Variants in SNRPE observed in about 807,000 individuals in gnomAD.
SNRPE encodes small nuclear ribonucleoprotein E.
For missense variants in SNRPE, 53 were observed against 111.6 expected (o/e 0.48, Z 2.36); for synonymous variants, 35 against 36.7 (o/e 0.95, Z 0.17).
intron 3 of SNRPE, among the ~76,000 whole-genome samples, 182 bp downstream of exon 3, chr1:203,863,907 A>G (rs1690031538): frequency 6.6e-6 from 1 of 151,658 alleles, no homozygotes. Context: ...TTTAATAGGG[A>G]AAATAACTTT....
intron 4 of SNRPE, among the ~76,000 whole-genome samples, chr1:203,867,888 GT>G (rs1434086130): frequency 1.3e-5 from 2 of 152,088 alleles, no homozygotes; most frequent in African/African-American, 2.4e-5. Context: ...TGCTCCCTGA[GT>G]TTGTAGTAAA....
At chr1:203,864,972 T>A in intron 3 of SNRPE, 69 bp from the exon 4 acceptor site, 1 of 1,490,878 alleles carries the variant, frequency 6.7e-7, no homozygotes, top group Admixed American at 2.0e-5. Context: ...TTTATCTGCA[T>A]AGGTATACTC....
chr1:203,861,780 G>A (rs1317839561), intron 1 of SNRPE, 67 bp downstream of exon 1: 24 of 1,176,308 alleles, frequency 2.0e-5, no homozygotes, highest in Non-Finnish European at 3.1e-5. Context: ...GGCGCAGGCT[G>A]AGGGCAGGCC....
At chr1:203,867,052 C>T (rs1690101976) in intron 4 of SNRPE, among the ~76,000 whole-genome samples, 2 of 145,354 alleles carry the variant, frequency 1.4e-5, no homozygotes, top group Admixed American at 1.5e-4. Flanking sequence ...GGGTGGATTA[C>T]GAGGTCAGGA....
intron 3 of SNRPE, among the ~76,000 whole-genome samples, chr1:203,864,296 C>G (rs912141730): frequency 6.6e-5 from 10 of 151,472 alleles, no homozygotes; most frequent in African/African-American, 2.4e-4. Context: ...AAATATTGAG[C>G]GACAATGTTA....
intron 3 of SNRPE, 139 bp from the exon 4 acceptor site, chr1:203,864,894 AAAAAAAAC>A: frequency 1.5e-5 from 6 of 398,496 alleles, no homozygotes; most frequent in East Asian, 6.2e-5. Flanking sequence ...AAAAAAAAAA[AAAAAAAAC>A]TTTGGGTGGA....
At chr1:203,862,152 G>C (rs1689991066) in intron 1 of SNRPE, 44 bp from the exon 2 acceptor site, 1 of 1,523,812 alleles carries the variant, frequency 6.6e-7, no homozygotes. Flanking sequence ...AGGAAGCAGA[G>C]TCTATGCTGC....
intron 4 of SNRPE, among the ~76,000 whole-genome samples, chr1:203,866,018 T>G (rs1690079563): frequency 6.6e-6 from 1 of 151,998 alleles, no homozygotes; most frequent in South Asian, 2.1e-4. Flanking sequence ...TATGTAGGCA[T>G]GACTGATTAA....
Position 203,861,620 on chromosome 1 carries a change from C to G in SNRPE, c.-40C>G, listed in dbSNP as rs771643812. On this transcript the variant is annotated 5_prime_UTR_variant, in exon 1 of 5. Transcript: ENST00000414487. ...GGTTCTTTATTCCGGAAGTTGCTCT[C>G]AGAGGCAGCGTGCGGGTGTGCTCTT... is the stretch of plus-strand genomic sequence containing the variant. 1.9e-6 allele frequency: 3 copies of G among 1,565,702 alleles called. No individual in the cohort carries two copies. The highest frequency in any genetic ancestry group is 1.1e-5 in the South Asian group (1 of 90,024).
intron 3 of SNRPE, among the ~76,000 whole-genome samples, chr1:203,864,099 C>T (rs185949829): frequency 3.3e-5 from 5 of 152,046 alleles, no homozygotes; most frequent in East Asian, 1.9e-4. Flanking sequence ...GGATCAGAAG[C>T]GTGCACCATC....
chr1:203,869,775 A>G (rs1690176698), intron 4 of SNRPE, 102 bp from the exon 5 acceptor site: 1 of 744,308 alleles, frequency 1.3e-6, no homozygotes, highest in Non-Finnish European at 2.2e-6. Flanking sequence ...TTTTATAAGA[A>G]AGCATTTTCA....
At chr1:203,863,343 C>T (rs954490136) in intron 2 of SNRPE, among the ~76,000 whole-genome samples, 2 of 152,032 alleles carry the variant, frequency 1.3e-5, no homozygotes, top group Admixed American at 6.5e-5. Flanking sequence ...TTTTTTGAGA[C>T]GGAGTCTCAC....
intron 3 of SNRPE, 123 bp from the exon 4 acceptor site, chr1:203,864,918 G>T: frequency 1.2e-6 from 1 of 859,016 alleles, no homozygotes; most frequent in Non-Finnish European, 1.6e-6. Context: ...GTGGAAGGTG[G>T]GGTGGGGCTT....
rs1008889983 is a variant in SNRPE, at chr1:203,871,140, T to A, written c.*1208T>A. Among the ~76,000 whole-genome samples, 1 of 152,266 alleles carries A rather than the reference T, an allele frequency of 6.6e-6. No individual in the cohort carries two copies. The highest frequency in any genetic ancestry group is 1.5e-5 in the Non-Finnish European group (1 of 68,052). ...TTATGTTTTGAAATAAAGGGCTGCA[T>A]TAGTTCTTTTAACATTTGAGTTTGA... is the stretch of plus-strand genomic sequence containing the variant. On this transcript the variant is annotated 3_prime_UTR_variant, in exon 5 of 5. Coordinates refer to ENST00000414487, the MANE Select transcript of SNRPE (RefSeq NM_003094.4).
chr1:203,863,849 C>A, intron 3 of SNRPE, 124 bp downstream of exon 3: 1 of 654,410 alleles, frequency 1.5e-6, no homozygotes, highest in Non-Finnish European at 2.7e-6. Context: ...TTTTCAGGTG[C>A]TGCTGTTTAG....
intron 2 of SNRPE, among the ~76,000 whole-genome samples, chr1:203,863,285 G>A (rs1016608684): frequency 6.6e-6 from 1 of 152,180 alleles, no homozygotes; most frequent in East Asian, 1.9e-4. Context: ...GCATCCCAAA[G>A]TATGGGAACG....
intron 3 of SNRPE, among the ~76,000 whole-genome samples, chr1:203,864,709 T>G (rs946083424): frequency 2.6e-5 from 4 of 152,030 alleles, no homozygotes; most frequent in Non-Finnish European, 5.9e-5. Flanking sequence ...AAACCCTGTT[T>G]CTACCAAAAA....
chr1:203,867,197 G>A (rs551651103), intron 4 of SNRPE, among the ~76,000 whole-genome samples: 15 of 150,910 alleles, frequency 9.9e-5, no homozygotes, highest in African/African-American at 3.4e-4. Flanking sequence ...GGAGAATGGC[G>A]CGAACCTGGG....
intron 1 of SNRPE, 157 bp from the exon 2 acceptor site, chr1:203,862,039 A>G: frequency 1.5e-6 from 1 of 655,176 alleles, no homozygotes; most frequent in South Asian, 1.8e-5. Flanking sequence ...TCTTTAGAAG[A>G]CCCGTAACGA....
Sources: allele counts gnomAD v4.1 joint callset (sites outside exome capture counted in the v4.1 genomes callset), GRCh38; gene constraint gnomAD v4.1.1; transcripts MANE v1.5; gene names NCBI Gene and HGNC (gene_info 2026-07-23, HGNC 2026-07-21).